Variants in PTPRD observed in about 807,000 individuals in gnomAD.
PTPRD encodes the protein protein tyrosine phosphatase receptor type D, also known as receptor-type tyrosine-protein phosphatase delta.
Under a neutral mutation model 214.5 loss-of-function variants are expected in PTPRD, and 34 were observed. The observed-to-expected ratio is 0.16, with a 90% CI of 0.12 to 0.21. PTPRD has a LOEUF of 0.21. Ranked by LOEUF, PTPRD falls within the 10% of genes least tolerant of loss-of-function variation. PTPRD has a pLI of 1.00. For synonymous variants in PTPRD, 1,128 were observed against 845.7 expected (o/e 1.33, Z -5.79); for missense variants, 2,545 against 2,398.7 (o/e 1.06, Z -1.27).
At chr9:10,589,830 T>A (rs2074981284) in intron 2 of PTPRD, among the ~76,000 whole-genome samples, 1 of 152,126 alleles carries the variant, frequency 6.6e-6, no homozygotes, top group South Asian at 2.1e-4. Context: ...AATTTACATT[T>A]GAACAGGTGA....
rs907437811 is a variant in PTPRD, at chr9:9,763,952, T to A, written c.-326+2858A>T. On this transcript the variant is annotated intron_variant, in intron 6 of 45. Coordinates refer to ENST00000381196, the MANE Select transcript of PTPRD (RefSeq NM_002839.4). The stretch of plus-strand genomic sequence containing the variant: ...GATATTTGGCCAATTCCTCATTTTT[T>A]AAAATATATGAGGTGTCAACCCCTC... Among the ~76,000 whole-genome samples the A allele has an allele frequency of 2.0e-5, 3 of 152,162 alleles. No homozygotes were observed. In the East Asian group the frequency reaches 5.8e-4, roughly 29 times the overall value.
At chr9:9,853,287 G>A (rs946417917) in intron 5 of PTPRD, among the ~76,000 whole-genome samples, 21 of 152,156 alleles carry the variant, frequency 1.4e-4, no homozygotes, top group Non-Finnish European at 2.8e-4. Context: ...TTACAGTATA[G>A]TTTTATTTAT....
chr9:10,469,469 A>G (rs551054861), intron 2 of PTPRD, among the ~76,000 whole-genome samples: 1 of 152,330 alleles, frequency 6.6e-6, no homozygotes, highest in Non-Finnish European at 1.5e-5. Flanking sequence ...CACTAATTAT[A>G]CTAGATTCAG....
At chr9:9,393,394 C>G (rs1210927147) in intron 9 of PTPRD, among the ~76,000 whole-genome samples, 1 of 152,126 alleles carries the variant, frequency 6.6e-6, no homozygotes, top group Admixed American at 6.5e-5. Context: ...AAAAACCATG[C>G]TAGTCTGCTA....
chr9:8,783,393 T>C (rs1276279671), intron 11 of PTPRD, among the ~76,000 whole-genome samples: 2 of 152,246 alleles, frequency 1.3e-5, no homozygotes, highest in Non-Finnish European at 2.9e-5. Flanking sequence ...AACTGAAAAG[T>C]ATGAAGTCAT....
At chr9:10,581,133 A>G (rs1047732022) in intron 2 of PTPRD, among the ~76,000 whole-genome samples, 9 of 152,172 alleles carry the variant, frequency 5.9e-5, no homozygotes, top group Admixed American at 2.6e-4. Context: ...AAGATGGACA[A>G]TATCCTTATC....
intron 12 of PTPRD, among the ~76,000 whole-genome samples, chr9:8,698,583 A>G (rs1206346451): frequency 6.6e-6 from 1 of 152,196 alleles, no homozygotes; most frequent in African/African-American, 2.4e-5. Flanking sequence ...GTTTCCTACA[A>G]AACAACAAAG....
intron 7 of PTPRD, among the ~76,000 whole-genome samples, chr9:9,656,712 C>A (rs1346704667): frequency 6.6e-6 from 1 of 152,048 alleles, no homozygotes. Flanking sequence ...TTAAAATTTG[C>A]TCAAACCTAT....
intron 12 of PTPRD, among the ~76,000 whole-genome samples, chr9:8,668,131 T>TCA (rs1280149267): frequency 1.3e-5 from 2 of 152,112 alleles, no homozygotes; most frequent in Non-Finnish European, 2.9e-5. Context: ...GGAAAGAAAT[T>TCA]CCAGTGGTAA....
At chr9:10,313,009 A>G (rs1171438059) in intron 3 of PTPRD, among the ~76,000 whole-genome samples, 1 of 151,984 alleles carries the variant, frequency 6.6e-6, no homozygotes, top group East Asian at 1.9e-4. Context: ...GGTTGAAGAT[A>G]ACCAGACACA....
intron 7 of PTPRD, among the ~76,000 whole-genome samples, chr9:9,667,505 C>T (rs904767517): frequency 6.6e-6 from 1 of 152,034 alleles, no homozygotes; most frequent in Admixed American, 6.6e-5. Context: ...GCAGTAAAAA[C>T]GGTAAGGAAG....
chr9:10,466,232 T>A (rs1481981876), intron 2 of PTPRD, among the ~76,000 whole-genome samples: 1 of 152,176 alleles, frequency 6.6e-6, no homozygotes, highest in African/African-American at 2.4e-5. Flanking sequence ...AAGCCTAATA[T>A]CTAGCCTGAA....
intron 11 of PTPRD, among the ~76,000 whole-genome samples, chr9:8,922,000 G>T (rs77015690): frequency 0.13 from 20,057 of 152,174 alleles, 1,819 homozygotes; most frequent in Non-Finnish European, 0.2. Flanking sequence ...TAGAATCCCA[G>T]TCTCTCTTCA....
intron 3 of PTPRD, among the ~76,000 whole-genome samples, chr9:10,091,889 G>A (rs528399799): frequency 4.8e-4 from 72 of 151,302 alleles, no homozygotes; most frequent in African/African-American, 1.4e-3. Context: ...TTTCTCTCCC[G>A]GAAATTATTA....
chr9:9,842,953 A>T (rs2058685919), intron 5 of PTPRD, among the ~76,000 whole-genome samples: 1 of 152,104 alleles, frequency 6.6e-6, no homozygotes. Context: ...TGTATATATA[A>T]GTTGTTTAGA....
intron 11 of PTPRD, among the ~76,000 whole-genome samples, chr9:8,856,661 G>A (rs140603403): frequency 1.8e-4 from 27 of 152,258 alleles, no homozygotes; most frequent in African/African-American, 6.3e-4. Context: ...TTTAGAAAAC[G>A]GAGGAGACAT....
Position 9,562,213 on chromosome 9 carries a change from A to G in PTPRD, c.-237+12519T>C, listed in dbSNP as rs534414195. Among the ~76,000 whole-genome samples the G allele has an allele frequency of 2.2e-3, 342 of 152,242 alleles. 2 individuals are homozygous for G. The highest frequency in any genetic ancestry group is 7.4e-3 in the African/African-American group (308 of 41,544). The stretch of plus-strand genomic sequence containing the variant: ...TTCTTAGCTCTCAAATCCCCAAGCC[A>G]TCCTTGATTCCTCTTTCTCTTATGT... On this transcript the variant is annotated intron_variant, in intron 8 of 45. Transcript: ENST00000381196.
intron 8 of PTPRD, among the ~76,000 whole-genome samples, chr9:9,401,667 G>A (rs115801226): frequency 0.015 from 2,228 of 149,540 alleles, 45 homozygotes; most frequent in African/African-American, 0.045. Flanking sequence ...GTTTTTCTAC[G>A]TACCCACCGG....
intron 3 of PTPRD, among the ~76,000 whole-genome samples, chr9:10,273,445 A>T (rs1924085): frequency 0.42 from 63,831 of 151,680 alleles, 14,987 homozygotes; most frequent in East Asian, 0.55. Flanking sequence ...GATATGGTAT[A>T]TTAGAGTTAG....
Sources: allele counts gnomAD v4.1 joint callset (sites outside exome capture counted in the v4.1 genomes callset), GRCh38; gene constraint gnomAD v4.1.1; transcripts MANE v1.5; gene names NCBI Gene and HGNC (gene_info 2026-07-23, HGNC 2026-07-21).